THSD7A: variants seen among roughly 807,000 people sequenced by gnomAD.
The protein encoded by THSD7A is thrombospondin type 1 domain containing 7A.
THSD7A carries 96 observed loss-of-function variants against 231.3 expected under a neutral mutation model. The ratio of observed to expected loss-of-function variants is 0.41; its 90% CI spans 0.35 to 0.49. The LOEUF (loss-of-function observed/expected upper bound fraction) is 0.49, where lower values mean the gene tolerates loss of function less well. Among genes scored for constraint, THSD7A ranks in the 20% least tolerant of loss-of-function variants. The pLI is 0.05. For missense variants in THSD7A, 2,290 were observed against 2,070.2 expected, an observed-to-expected ratio of 1.11 and a Z score of -2.06; for synonymous variants, 940 against 743.3, an observed-to-expected ratio of 1.26 and a Z score of -4.30.
intron 1 of THSD7A, among the ~76,000 whole-genome samples, chr7:11,770,916 TGAA>T (rs1317124844): frequency 6.6e-6 from 1 of 151,800 alleles, no homozygotes; most frequent in Non-Finnish European, 1.5e-5. Flanking sequence ...ATATGTGAAA[TGAA>T]GAAATCCATT....
chr7:11,513,388 GGAA>G (rs1267589300), intron 6 of THSD7A, among the ~76,000 whole-genome samples: 1 of 151,866 alleles, frequency 6.6e-6, no homozygotes, highest in Non-Finnish European at 1.5e-5. Context: ...TTAGTCAAAT[GGAA>G]ACATCCCAAA....
In THSD7A at chr7:11,696,129, T is replaced by G. The variant is rs190609482; in HGVS notation, c.191-59168A>C. 9.9e-5 allele frequency among the ~76,000 whole-genome samples: 15 copies of G among 151,540 alleles called. No homozygotes were observed. In the East Asian group the frequency reaches 3.0e-3, roughly 30 times the overall value. On this transcript the variant is annotated intron_variant, in intron 1 of 27. Coordinates refer to ENST00000423059, the MANE Select transcript of THSD7A (RefSeq NM_015204.3). ...GTAAAACCTGGTTTGGTGAGGAGGATGTTGAGTCTAGTCACAAAATAGACA... is the reference window on the plus strand; with the variant it reads ...GTAAAACCTGGTTTGGTGAGGAGGAGGTTGAGTCTAGTCACAAAATAGACA...
At chr7:11,439,798 T>C (rs1784745848) in intron 13 of THSD7A, among the ~76,000 whole-genome samples, 1 of 152,036 alleles carries the variant, frequency 6.6e-6, no homozygotes, top group African/African-American at 2.4e-5. Context: ...AAGCTGTCTA[T>C]AACATAAAAG....
At chr7:11,527,561 C>T (rs1412333244) in intron 6 of THSD7A, among the ~76,000 whole-genome samples, 1 of 152,166 alleles carries the variant, frequency 6.6e-6, no homozygotes, top group African/African-American at 2.4e-5. Context: ...TTACTTTGCA[C>T]TCTATCAAGA....
chr7:11,526,438 T>C (rs1326733114), intron 6 of THSD7A, among the ~76,000 whole-genome samples: 1 of 152,190 alleles, frequency 6.6e-6, no homozygotes, highest in Non-Finnish European at 1.5e-5. Context: ...ATTGAGCATG[T>C]CTCTAGTCCT....
intron 1 of THSD7A, among the ~76,000 whole-genome samples, chr7:11,638,815 C>G (rs1161516311): frequency 6.6e-6 from 1 of 151,942 alleles, no homozygotes; most frequent in Non-Finnish European, 1.5e-5. Flanking sequence ...ATGCAATCCA[C>G]CTAATAATAT....
intron 7 of THSD7A, among the ~76,000 whole-genome samples, chr7:11,476,001 T>A (rs1039835133): frequency 8.0e-5 from 12 of 149,782 alleles, no homozygotes; most frequent in Non-Finnish European, 1.8e-4. Context: ...ACAAATTGTA[T>A]ACCCAGTGGG....
intron 22 of THSD7A, among the ~76,000 whole-genome samples, chr7:11,405,522 C>T (rs2115367380): frequency 6.6e-6 from 1 of 152,188 alleles, no homozygotes; most frequent in South Asian, 2.1e-4. Flanking sequence ...TAAATTGTTG[C>T]CCCTATCTAT....
intron 6 of THSD7A, among the ~76,000 whole-genome samples, chr7:11,540,649 G>C (rs999314672): frequency 6.6e-6 from 1 of 152,190 alleles, no homozygotes; most frequent in South Asian, 2.1e-4. Context: ...GGGGAGTCTT[G>C]TGGTTTTCAA....
chr7:11,395,332 G>C (rs974619255), intron 23 of THSD7A, among the ~76,000 whole-genome samples: 1 of 152,122 alleles, frequency 6.6e-6, no homozygotes. Context: ...CAAGCCCTTA[G>C]AGACCTACAA....
At chr7:11,698,547 G>A (rs1780472838) in intron 1 of THSD7A, among the ~76,000 whole-genome samples, 2 of 151,512 alleles carry the variant, frequency 1.3e-5, no homozygotes, top group South Asian at 4.1e-4. Context: ...TGGGCCTACA[G>A]AAGCAATTCC....
At chr7:11,563,382 C>T (rs971108745) in intron 4 of THSD7A, among the ~76,000 whole-genome samples, 5 of 152,056 alleles carry the variant, frequency 3.3e-5, no homozygotes, top group Non-Finnish European at 7.4e-5. Flanking sequence ...ATTTTTGAGA[C>T]GGAGTGTCCC....
At chr7:11,470,546 T>A (rs530752024) in intron 8 of THSD7A, among the ~76,000 whole-genome samples, 1 of 151,830 alleles carries the variant, frequency 6.6e-6, no homozygotes, top group African/African-American at 2.4e-5. Flanking sequence ...ATAATTAAGA[T>A]AATAAAACTG....
In THSD7A at chr7:11,636,962, C is replaced by G. The variant is rs763643585; in HGVS notation, c.191-1G>C. On this transcript the variant is annotated splice_acceptor_variant, in intron 1 of 27. Coordinates refer to ENST00000423059, the MANE Select transcript of THSD7A (RefSeq NM_015204.3). LOFTEE classifies it high-confidence loss of function. This position sits in a 1 kb window ranked among gnomAD's most constrained non-coding sequence, Gnocchi z 10.0. ...TCTCCCATACATCGGCCCCATGGAC[C>G]TACAAAAATTATAACACAAAAATTA... 1 of 1,594,230 alleles carries G rather than the reference C, an allele frequency of 6.3e-7. No homozygotes were observed. Among genetic ancestry groups the G allele is most frequent in the Non-Finnish European group, 8.5e-7 (1 of 1,172,088 alleles).
At chr7:11,602,058 A>G (rs1261672524) in intron 2 of THSD7A, among the ~76,000 whole-genome samples, 3 of 152,224 alleles carry the variant, frequency 2.0e-5, no homozygotes, top group African/African-American at 7.2e-5. Flanking sequence ...ATTGTGATCA[A>G]CTGGTATCAC....
intron 1 of THSD7A, among the ~76,000 whole-genome samples, chr7:11,668,784 C>T (rs1034174040): frequency 6.6e-6 from 1 of 152,072 alleles, no homozygotes; most frequent in Admixed American, 6.6e-5. Context: ...AGCCTTCTGT[C>T]CTGAAAGCTG....
chr7:11,565,191 G>T (rs1446766936), intron 4 of THSD7A, among the ~76,000 whole-genome samples: 3 of 152,134 alleles, frequency 2.0e-5, no homozygotes, highest in Non-Finnish European at 4.4e-5. Flanking sequence ...AAAATAAGCA[G>T]TCTGGAATAT....
chr7:11,496,512 GCTGAGACATCCGTAA>G (rs1787105389), intron 6 of THSD7A, among the ~76,000 whole-genome samples: 1 of 152,092 alleles, frequency 6.6e-6, no homozygotes, highest in African/African-American at 2.4e-5. Context: ...GGGGTTTAGG[GCTGAGACATCCGTAA>G]TTTTTTTCAT....
intron 1 of THSD7A, among the ~76,000 whole-genome samples, chr7:11,725,647 CTT>C: frequency 6.6e-6 from 1 of 152,028 alleles, no homozygotes; most frequent in East Asian, 2.0e-4. Context: ...TTTAAATAGA[CTT>C]ATATTGGTAT....
Sources: gnomAD v4.1 joint callset for allele counts (sites outside exome capture counted in the v4.1 genomes callset) on GRCh38, gnomAD v4.1.1 for gene constraint, Gnocchi (gnomAD v3.1) non-coding constraint, MANE v1.5 for transcripts, NCBI Gene and HGNC (gene_info 2026-07-23, HGNC 2026-07-21) for gene names.